The following CAMTA1 variants were observed in gnomAD, a reference collection of about 807,000 sequenced individuals.
The protein encoded by CAMTA1 is calmodulin binding transcription activator 1.
A neutral mutation model predicts 170.9 loss-of-function variants in CAMTA1; 27 were observed. That is an observed-to-expected ratio of 0.16 (90% confidence interval 0.12 to 0.22). The LOEUF (loss-of-function observed/expected upper bound fraction) is 0.22, where lower values mean the gene tolerates loss of function less well. Among genes scored for constraint, CAMTA1 ranks in the 10% least tolerant of loss-of-function variants. CAMTA1 has a pLI of 1.00. For synonymous variants in CAMTA1, 833 were observed against 891.5 expected, an observed-to-expected ratio of 0.93 and a Z score of 1.17; for missense variants, 1,619 against 2,217.2, an observed-to-expected ratio of 0.73 and a Z score of 5.42.
At chr1:6,979,269 A>T (rs893047137) in intron 3 of CAMTA1, among the ~76,000 whole-genome samples, 1 of 152,132 alleles carries the variant, frequency 6.6e-6, no homozygotes, top group Non-Finnish European at 1.5e-5. Flanking sequence ...TCTCCGGCAC[A>T]GGGGGGCTTC....
At position 7,089,130 on chromosome 1, in the gene CAMTA1, G is replaced by A. The variant is rs758243007; in HGVS notation, c.235-2174G>A. On this transcript the variant is annotated intron_variant, in intron 3 of 22. Coordinates refer to ENST00000303635, the MANE Select transcript of CAMTA1 (RefSeq NM_015215.4). Reference sequence around the variant, plus strand: ...GCTCACACCACGTAGATCTTATAACGATTCATGGTAGCTATTGTTTGGGGC... The same window carrying A: ...GCTCACACCACGTAGATCTTATAACAATTCATGGTAGCTATTGTTTGGGGC... Among the ~76,000 whole-genome samples, 77 of 152,128 alleles carry A rather than the reference G, an allele frequency of 5.1e-4. 1 individual carries two copies. The highest frequency in any genetic ancestry group is 9.4e-4 in the Non-Finnish European group (64 of 68,018).
Position 6,910,878 on chromosome 1 carries a change from C to T in CAMTA1, c.234+85668C>T, listed in dbSNP as rs375842321. Reference sequence around the variant, plus strand: ...CTGGACTTCAGCAGCTCAGAACCTTCTGCTGGGGGTGCTTTGTTCATAATT... The same window carrying T: ...CTGGACTTCAGCAGCTCAGAACCTTTTGCTGGGGGTGCTTTGTTCATAATT... On this transcript the variant is annotated intron_variant, in intron 3 of 22. Coordinates refer to ENST00000303635, the MANE Select transcript of CAMTA1 (RefSeq NM_015215.4). 3.3e-5 allele frequency among the ~76,000 whole-genome samples: 5 copies of T among 152,324 alleles called. No individual in the cohort carries two copies. In the South Asian group the frequency reaches 6.2e-4, roughly 19 times the overall value.
At chr1:6,950,747 C>T (rs1275664374) in intron 3 of CAMTA1, among the ~76,000 whole-genome samples, 1 of 150,182 alleles carries the variant, frequency 6.7e-6, no homozygotes, top group African/African-American at 2.5e-5. Flanking sequence ...CACAGTGCTA[C>T]GAAGGAGCAC....
At chr1:7,296,903 G>A (rs940102761) in intron 5 of CAMTA1, among the ~76,000 whole-genome samples, 23 of 152,118 alleles carry the variant, frequency 1.5e-4, no homozygotes, top group African/African-American at 5.3e-4. Context: ...AAAAGGGAGA[G>A]CCAGCAAAGG....
chr1:6,921,509 C>T (rs1211387516), intron 3 of CAMTA1, among the ~76,000 whole-genome samples: 4 of 152,234 alleles, frequency 2.6e-5, no homozygotes, highest in African/African-American at 9.6e-5. Flanking sequence ...AAAGTCACTT[C>T]CACATTTTTG....
chr1:7,406,731 CT>C (rs2090321960), intron 5 of CAMTA1, among the ~76,000 whole-genome samples: 1 of 152,290 alleles, frequency 6.6e-6, no homozygotes, highest in African/African-American at 2.4e-5. Context: ...CCTAAGGCCC[CT>C]GGGCCTGGGC....
intron 1 of CAMTA1, among the ~76,000 whole-genome samples, chr1:6,787,791 A>G (rs1169223025): frequency 1.3e-5 from 2 of 152,240 alleles, no homozygotes; most frequent in African/African-American, 4.8e-5. Context: ...ACGCATCGCA[A>G]CTTTGGCGGT....
rs1158819582 is a variant in CAMTA1, at chr1:7,067,599, A to G, written c.235-23705A>G. ...GCATACGGCAAAGAACAAGGTAGAT[A>G]AGTTCCTCGCATTTATTGTGTGTCT... On this transcript the variant is annotated intron_variant, in intron 3 of 22. Coordinates refer to ENST00000303635, the MANE Select transcript of CAMTA1 (RefSeq NM_015215.4). The surrounding 1 kb of genome is among the most constrained non-coding windows in gnomAD (Gnocchi z 4.3). 1.3e-5 allele frequency among the ~76,000 whole-genome samples: 2 copies of G among 152,196 alleles called. No individual in the cohort carries two copies. The highest frequency in any genetic ancestry group is 2.9e-5 in the Non-Finnish European group (2 of 68,030).
chr1:7,136,486 T>C (rs1444766632), intron 4 of CAMTA1, among the ~76,000 whole-genome samples: 1 of 152,192 alleles, frequency 6.6e-6, no homozygotes, highest in Non-Finnish European at 1.5e-5. Flanking sequence ...TCAGCGTTCC[T>C]ATTGTTCATA....
intron 21 of CAMTA1, among the ~76,000 whole-genome samples, chr1:7,753,719 G>A (rs963949507): frequency 3.0e-4 from 45 of 152,068 alleles, no homozygotes; most frequent in African/African-American, 9.2e-4. Flanking sequence ...CTTAAAAAAC[G>A]GCATTCACTA....
intron 6 of CAMTA1, among the ~76,000 whole-genome samples, chr1:7,615,490 A>G (rs1263677736): frequency 6.6e-6 from 1 of 152,248 alleles, no homozygotes; most frequent in African/African-American, 2.4e-5. Context: ...AAATGGGACT[A>G]AAAGCATTCC....
At chr1:7,657,124 C>G (rs61772075) in intron 7 of CAMTA1, among the ~76,000 whole-genome samples, 54 of 152,280 alleles carry the variant, frequency 3.5e-4, no homozygotes, top group Non-Finnish European at 4.7e-4. Flanking sequence ...TTCCCAGTGG[C>G]CAGTGTGACC....
At chr1:6,957,502 C>T (rs1689653932) in intron 3 of CAMTA1, among the ~76,000 whole-genome samples, 2 of 152,114 alleles carry the variant, frequency 1.3e-5, no homozygotes, top group Admixed American at 1.3e-4. Context: ...TTGGCTTTTC[C>T]AGCTTTCAGA....
Position 7,456,846 on chromosome 1 carries a change from G to A in CAMTA1, c.439-10984G>A, listed in dbSNP as rs1468678881. Among the ~76,000 whole-genome samples the A allele has an allele frequency of 6.6e-6, 1 of 152,228 alleles. No individual in the cohort carries two copies. The highest frequency in any genetic ancestry group is 1.9e-4 in the East Asian group (1 of 5,192). On this transcript the variant is annotated intron_variant, in intron 5 of 22. Coordinates refer to ENST00000303635, the MANE Select transcript of CAMTA1 (RefSeq NM_015215.4). This position sits in a 1 kb window ranked among gnomAD's most constrained non-coding sequence, Gnocchi z 4.9. ...AGGGTGGGAAAACAGGCAGGTGAGA[G>A]TGGCCAGGTTCCTGGACGTGACCCT...
Position 7,588,450 on chromosome 1 carries a change from C to A in CAMTA1, c.511-51950C>A, listed in dbSNP as rs1050276882. Among the ~76,000 whole-genome samples the A allele has an allele frequency of 3.9e-5, 6 of 152,224 alleles. No individual in the cohort carries two copies. The highest frequency in any genetic ancestry group is 1.4e-4 in the African/African-American group (6 of 41,474). Reference sequence around the variant, plus strand: ...CACACTACACTAACGCCTCTGCAAGCATCGTTTTATCAAAACCCTCACCAT... The same window carrying A: ...CACACTACACTAACGCCTCTGCAAGAATCGTTTTATCAAAACCCTCACCAT... On this transcript the variant is annotated intron_variant, in intron 6 of 22. Transcript: ENST00000303635. This position sits in a 1 kb window ranked among gnomAD's most constrained non-coding sequence, Gnocchi z 5.8.
intron 4 of CAMTA1, among the ~76,000 whole-genome samples, chr1:7,235,543 C>T (rs1663662116): frequency 6.6e-6 from 1 of 152,216 alleles, no homozygotes; most frequent in Non-Finnish European, 1.5e-5. Context: ...AGGAGAATTG[C>T]TTGAGCCCAA....
chr1:7,442,289 AC>A (rs1192399316), intron 5 of CAMTA1, among the ~76,000 whole-genome samples: 3 of 152,196 alleles, frequency 2.0e-5, no homozygotes, highest in Non-Finnish European at 4.4e-5. Flanking sequence ...ACAGGAGACA[AC>A]CGTGTTGACA....
chr1:7,019,164 T>C (rs919050366), intron 3 of CAMTA1, among the ~76,000 whole-genome samples: 1 of 152,204 alleles, frequency 6.6e-6, no homozygotes, highest in African/African-American at 2.4e-5. Flanking sequence ...TCACAGCTTC[T>C]TTAACTCAGT....
chr1:6,872,832 A>AGTT (rs1187103263), intron 3 of CAMTA1, among the ~76,000 whole-genome samples: 1 of 152,212 alleles, frequency 6.6e-6, no homozygotes, highest in Non-Finnish European at 1.5e-5. Context: ...TTACTTTTTA[A>AGTT]GTGTCTCATT....
Sources: gnomAD v4.1 joint callset for allele counts (sites outside exome capture counted in the v4.1 genomes callset) on GRCh38, gnomAD v4.1.1 for gene constraint, Gnocchi (gnomAD v3.1) non-coding constraint, MANE v1.5 for transcripts, NCBI Gene and HGNC (gene_info 2026-07-23, HGNC 2026-07-21) for gene names.